FH: variants seen among roughly 807,000 people sequenced by gnomAD.
FH encodes fumarate hydratase, mitochondrial.
A neutral mutation model predicts 49.4 loss-of-function variants in FH; 22 were observed. The ratio of observed to expected loss-of-function variants is 0.45; its 90% CI spans 0.32 to 0.64. The LOEUF is 0.64. Ranked by LOEUF, FH falls within the 30% of genes least tolerant of loss-of-function variation. FH has a pLI of 0.05. For missense variants in FH, 526 were observed against 641.5 expected, an observed-to-expected ratio of 0.82 and a Z score of 1.95; for synonymous variants, 208 against 223.0, an observed-to-expected ratio of 0.93 and a Z score of 0.60.
chr1:241,510,132 T>G (rs1009181915), intron 4 of FH, among the ~76,000 whole-genome samples: 1 of 152,188 alleles, frequency 6.6e-6, no homozygotes, highest in African/African-American at 2.4e-5. Flanking sequence ...TGAACGTGTA[T>G]TAAAAACACT....
At position 241,500,604 on chromosome 1, in the gene FH, A is replaced by AGT. The variant is rs1553340733; in HGVS notation, c.1237-15_1237-14insAC. The AGT allele has an allele frequency of 2.0e-5, 20 of 1,005,672 alleles. No individual in the cohort carries two copies. Among genetic ancestry groups the AGT allele is most frequent in the East Asian group, 1.1e-4 (2 of 18,272 alleles). 62.3% of individuals were successfully genotyped at this position (1,005,672 alleles called of 1,614,324 possible). A position where few individuals can be genotyped will look rare whatever the true frequency, so the allele number is the denominator to read the frequency against. On this transcript the variant is annotated splice_polypyrimidine_tract_variant and intron_variant, in intron 8 of 9. Transcript: ENST00000366560. ...CACATTTTTAATCTTTGAGTGAGTG[A>AGT]GAGAGAGAGAGAGAGAGAGAGAGAG...
rs202081538 is a variant in FH at position 241,519,739 on chromosome 1, G to A, written c.-17C>T. ...TCGGTACATGGTGCTGAGGGAGCTT[G>A]GGTAGAATTTCTGGGCGGCTGTGGC... On this transcript the variant is annotated 5_prime_UTR_variant, in exon 1 of 10. Coordinates refer to ENST00000366560, the MANE Select transcript of FH (RefSeq NM_000143.4). The A allele has an allele frequency of 1.3e-6, 2 of 1,522,572 alleles. No homozygotes were observed. Among genetic ancestry groups the A allele is most frequent in the Non-Finnish European group, 1.8e-6 (2 of 1,130,082 alleles). The allele number at this position is 1,522,572 out of a possible 1,614,324, so 94.3% of individuals were successfully genotyped here.
At chr1:241,511,871 C>G (rs1660092069) in intron 4 of FH, 96 bp downstream of exon 4, 2 of 1,188,940 alleles carry the variant, frequency 1.7e-6, no homozygotes, top group Admixed American at 1.7e-5. Flanking sequence ...AAATAATGAA[C>G]ACTTCTTGTC....
At chr1:241,509,805 ACACACACACACACACACACGCATG>A (rs1660034959) in intron 4 of FH, among the ~76,000 whole-genome samples, 1 of 151,650 alleles carries the variant, frequency 6.6e-6, no homozygotes, top group South Asian at 2.1e-4. Flanking sequence ...ACACACACAC[ACACACACACACACACACACGCATG>A]CACACACACA....
At chr1:241,507,424 G>A (rs1659958609) in intron 5 of FH, among the ~76,000 whole-genome samples, 1 of 151,920 alleles carries the variant, frequency 6.6e-6, no homozygotes, top group Non-Finnish European at 1.5e-5. Context: ...ATGACTGTAT[G>A]TATACACACA....
intron 2 of FH, among the ~76,000 whole-genome samples, chr1:241,514,602 A>G (rs980655459): frequency 6.6e-6 from 1 of 152,166 alleles, no homozygotes; most frequent in Non-Finnish European, 1.5e-5. Flanking sequence ...TGATGAATGT[A>G]TAAGAGAGAA....
Position 241,504,197 on chromosome 1 carries a change from T to C in FH, c.953A>G (p.His318Arg), listed in dbSNP as rs755449276. 6.2e-7 allele frequency: 1 copy of C among 1,614,174 alleles called. No homozygotes were observed. The highest frequency in any genetic ancestry group is 2.2e-5 in the East Asian group (1 of 44,884). ...TCCACTGAGCTCAACCAGAGCGTCA[T>C]GAGCAGCCAGAGCTTCAAATTTATT... ...APNKFEALAA[H>R]DALVELSGAM... Residue 318 changes from histidine to arginine, a missense_variant, in exon 7 of 10, where the codon CAT (histidine) becomes CGT (arginine). His to Arg is a conservative substitution (Grantham distance 29). This residue lies in a region of FH where 383 missense variants were observed against 514.0 expected (regional missense o/e 0.75). Coordinates refer to ENST00000366560, the MANE Select transcript of FH (RefSeq NM_000143.4).
intron 6 of FH, among the ~76,000 whole-genome samples, chr1:241,505,681 TACTC>T (rs1181534287): frequency 1.3e-5 from 2 of 152,202 alleles, no homozygotes. Flanking sequence ...TCAAATAACT[TACTC>T]AACACTCAGT....
chr1:241,500,807 A>C (rs1221067441), intron 8 of FH, among the ~76,000 whole-genome samples: 1 of 152,200 alleles, frequency 6.6e-6, no homozygotes, highest in African/African-American at 2.4e-5. Flanking sequence ...AAATCTAAAA[A>C]AGGTGAAAAA....
Position 241,519,517 on chromosome 1 carries a change from C to T in FH, c.132+74G>A, listed in dbSNP as rs188966702. 2.7e-6 allele frequency: 4 copies of T among 1,493,266 alleles called. No individual in the cohort carries two copies. The Admixed American group carries it at 8.4e-5, about 31-fold the overall frequency. The allele number at this position is 1,493,266 out of a possible 1,614,324, so 92.5% of individuals were successfully genotyped here. ...CCGGGGAATCTCTCCCGCCAAGTCG[C>T]GGGCGCCCAGGCCGGCAGGCAGGAG... On this transcript the variant is annotated intron_variant, in intron 1 of 9. Coordinates refer to ENST00000366560, the MANE Select transcript of FH (RefSeq NM_000143.4).
chr1:241,516,786 G>A (rs1437643339), intron 2 of FH, among the ~76,000 whole-genome samples: 1 of 151,682 alleles, frequency 6.6e-6, no homozygotes, highest in Non-Finnish European at 1.5e-5. Flanking sequence ...CAGAGTAATT[G>A]GGACTACAGG....
intron 9 of FH, among the ~76,000 whole-genome samples, chr1:241,498,737 A>G (rs1270826373): frequency 9.6e-6 from 1 of 103,714 alleles, no homozygotes; most frequent in Non-Finnish European, 2.1e-5. Context: ...ATATATATAT[A>G]TATATGTCAA....
chr1:241,515,812 C>G (rs1203725757), intron 2 of FH, among the ~76,000 whole-genome samples: 1 of 152,122 alleles, frequency 6.6e-6, no homozygotes, highest in Non-Finnish European at 1.5e-5. Context: ...CAAGATGTAT[C>G]TTGTAATCAA....
At chr1:241,511,525 T>G (rs964117977) in intron 4 of FH, among the ~76,000 whole-genome samples, 1 of 150,992 alleles carries the variant, frequency 6.6e-6, no homozygotes, top group Non-Finnish European at 1.5e-5. Context: ...AGAACATGAG[T>G]GGAAAAACTG....
At chr1:241,509,198 T>C (rs1025241905) in intron 4 of FH, among the ~76,000 whole-genome samples, 5 of 151,688 alleles carry the variant, frequency 3.3e-5, no homozygotes, top group Admixed American at 3.3e-4. Context: ...GTTGAATATC[T>C]TATAATTATA....
At chr1:241,509,926 AAAG>A (rs2147920496) in intron 4 of FH, among the ~76,000 whole-genome samples, 1 of 152,338 alleles carries the variant, frequency 6.6e-6, no homozygotes, top group African/African-American at 2.4e-5. Context: ...AGTACTTACG[AAAG>A]AAGTAGGATG....
At chr1:241,501,039 T>G (rs1015798660) in intron 8 of FH, among the ~76,000 whole-genome samples, 1 of 152,202 alleles carries the variant, frequency 6.6e-6, no homozygotes, top group African/African-American at 2.4e-5. Flanking sequence ...AGTATGAGTG[T>G]GAGGCAATTA....
chr1:241,509,282 C>T (rs559988432), intron 4 of FH, among the ~76,000 whole-genome samples: 19 of 152,082 alleles, frequency 1.2e-4, no homozygotes, highest in African/African-American at 4.3e-4. Flanking sequence ...TTATACAGTG[C>T]ATACAGTCTT....
chr1:241,502,374 T>A (rs1659802172), intron 8 of FH, 69 bp downstream of exon 8: 1 of 1,589,740 alleles, frequency 6.3e-7, no homozygotes. Context: ...CTAGAAGTCT[T>A]TATGAAATAC....
Sources: allele counts gnomAD v4.1 joint callset (sites outside exome capture counted in the v4.1 genomes callset), GRCh38; gene constraint gnomAD v4.1.1; regional missense constraint gnomAD v4.1.1; transcripts MANE v1.5; gene names NCBI Gene and HGNC (gene_info 2026-07-23, HGNC 2026-07-21).